CCSER1: variants seen among roughly 807,000 people sequenced by gnomAD.
CCSER1 encodes serine-rich coiled-coil domain-containing protein 1.
Under a neutral mutation model 82.0 loss-of-function variants are expected in CCSER1, and 41 were observed. That is an observed-to-expected ratio of 0.50 (90% confidence interval 0.39 to 0.65). The LOEUF (loss-of-function observed/expected upper bound fraction) is 0.65. Among genes scored for constraint, CCSER1 ranks in the 30% least tolerant of loss-of-function variants. The probability of loss-of-function intolerance (pLI) is 0.00; values close to 1 mark genes in which losing one functional copy is unlikely to be tolerated. For missense variants in CCSER1, 1,119 were observed against 1,064.2 expected (o/e 1.05, Z -0.72); for synonymous variants, 414 against 383.9 (o/e 1.08, Z -0.92).
At chr4:90,735,616 T>A (rs1042095126) in intron 7 of CCSER1, among the ~76,000 whole-genome samples, 2 of 152,140 alleles carry the variant, frequency 1.3e-5, no homozygotes, top group South Asian at 4.1e-4. Context: ...ACATAGTTGC[T>A]CATGGTAACT....
At chr4:90,452,256 G>A (rs561747594) in intron 4 of CCSER1, among the ~76,000 whole-genome samples, 8 of 152,182 alleles carry the variant, frequency 5.3e-5, no homozygotes, top group South Asian at 2.1e-4. Context: ...CTATCTGTTC[G>A]CAGTCCTGTT....
At chr4:90,692,547 G>A (rs1370108474) in intron 6 of CCSER1, among the ~76,000 whole-genome samples, 1 of 151,910 alleles carries the variant, frequency 6.6e-6, no homozygotes, top group Non-Finnish European at 1.5e-5. Context: ...TTGACCGAAA[G>A]GCAATAATTC....
chr4:90,412,402 A>G (rs1232534167), intron 4 of CCSER1, among the ~76,000 whole-genome samples: 1 of 151,858 alleles, frequency 6.6e-6, no homozygotes, highest in Admixed American at 6.6e-5. Flanking sequence ...CCAACATGGC[A>G]CAGGTATACA....
chr4:90,958,684 A>T (rs1000992787), intron 9 of CCSER1, among the ~76,000 whole-genome samples: 1 of 152,094 alleles, frequency 6.6e-6, no homozygotes, highest in African/African-American at 2.4e-5. Flanking sequence ...CGTGAACAGG[A>T]TTCATGTCCT....
At chr4:90,420,527 G>T (rs150695255) in intron 4 of CCSER1, among the ~76,000 whole-genome samples, 528 of 152,122 alleles carry the variant, frequency 3.5e-3, no homozygotes, top group Middle Eastern at 0.01. Context: ...GTTGCCAACA[G>T]ACTAAATCAT....
At chr4:90,320,782 C>A (rs779990269) in intron 3 of CCSER1, among the ~76,000 whole-genome samples, 1 of 152,040 alleles carries the variant, frequency 6.6e-6, no homozygotes, top group Non-Finnish European at 1.5e-5. Context: ...CATTTAGAAG[C>A]TGTCACAATT....
chr4:90,399,326 T>C (rs1217586549), intron 3 of CCSER1, among the ~76,000 whole-genome samples: 1 of 152,106 alleles, frequency 6.6e-6, no homozygotes, highest in Admixed American at 6.5e-5. Flanking sequence ...TAATCTCAGC[T>C]CTGATATATT....
At chr4:91,004,372 A>G (rs915949702) in intron 9 of CCSER1, among the ~76,000 whole-genome samples, 4 of 152,222 alleles carry the variant, frequency 2.6e-5, no homozygotes, top group African/African-American at 7.2e-5. Flanking sequence ...CAGTTTTAAC[A>G]TGAGATCATT....
intron 10 of CCSER1, among the ~76,000 whole-genome samples, chr4:91,361,584 A>G (rs1167960940): frequency 6.6e-6 from 1 of 151,786 alleles, no homozygotes; most frequent in East Asian, 1.9e-4. Context: ...TGAAGTAGTC[A>G]ATATGTTTCC....
chr4:91,031,796 A>T (rs1306551446), intron 9 of CCSER1, among the ~76,000 whole-genome samples: 1 of 152,168 alleles, frequency 6.6e-6, no homozygotes, highest in Non-Finnish European at 1.5e-5. Context: ...AAATGACTAC[A>T]TTATAACATA....
At chr4:91,266,494 G>A (rs1741599667) in intron 10 of CCSER1, among the ~76,000 whole-genome samples, 1 of 151,912 alleles carries the variant, frequency 6.6e-6, no homozygotes, top group African/African-American at 2.4e-5. Flanking sequence ...GTCGTGATCT[G>A]CCCACCTCGG....
intron 10 of CCSER1, among the ~76,000 whole-genome samples, chr4:91,456,535 C>T (rs1340137474): frequency 2.6e-5 from 4 of 151,862 alleles, no homozygotes; most frequent in Non-Finnish European, 5.9e-5. Context: ...AACTTGAAAG[C>T]CATATTTGCC....
In CCSER1 at chr4:91,384,861, G is replaced by C. The variant is rs562776017; in HGVS notation, c.2218-213711G>C. Among the ~76,000 whole-genome samples the C allele has an allele frequency of 5.9e-5, 9 of 152,118 alleles. No homozygotes were observed. The East Asian group carries it at 1.7e-3, about 29-fold the overall frequency. Reference sequence around the variant, plus strand: ...GCTGAAAAGAGATTCAACTTTAAATGATGAGAAAAACGGAAAAGCAAAACT... The same window carrying C: ...GCTGAAAAGAGATTCAACTTTAAATCATGAGAAAAACGGAAAAGCAAAACT... On this transcript the variant is annotated intron_variant, in intron 10 of 10. Coordinates refer to ENST00000509176, the MANE Select transcript of CCSER1 (RefSeq NM_001145065.2).
chr4:90,414,672 C>T (rs919513322), intron 4 of CCSER1, among the ~76,000 whole-genome samples: 1 of 151,928 alleles, frequency 6.6e-6, no homozygotes, highest in Non-Finnish European at 1.5e-5. Context: ...CAGCGAGGTT[C>T]GTTAGATAAA....
chr4:91,474,787 G>GTATATATATA (rs764572024), intron 10 of CCSER1, among the ~76,000 whole-genome samples: 12 of 135,164 alleles, frequency 8.9e-5, no homozygotes, highest in African/African-American at 1.4e-4. Context: ...ATATATTTGT[G>GTATATATATA]TATATATATA....
chr4:90,543,323 T>C (rs1353362253), intron 5 of CCSER1, among the ~76,000 whole-genome samples: 1 of 152,106 alleles, frequency 6.6e-6, no homozygotes, highest in Non-Finnish European at 1.5e-5. Context: ...CCAGGTGCAA[T>C]TTGAGAATGA....
chr4:90,809,782 C>T (rs1368323158), intron 7 of CCSER1, among the ~76,000 whole-genome samples: 3 of 151,858 alleles, frequency 2.0e-5, no homozygotes. Context: ...GTCCTAGCTA[C>T]TTGGGAGGCC....
At chr4:91,041,793 A>T (rs1741977065) in intron 9 of CCSER1, among the ~76,000 whole-genome samples, 2 of 152,172 alleles carry the variant, frequency 1.3e-5, no homozygotes, top group African/African-American at 2.4e-5. Flanking sequence ...ATGAATTATA[A>T]TGCTGCCAAA....
chr4:90,887,837 G>A (rs905873664), intron 8 of CCSER1, among the ~76,000 whole-genome samples: 16 of 151,992 alleles, frequency 1.1e-4, no homozygotes, highest in Admixed American at 6.6e-5. Flanking sequence ...AGCTGAGATC[G>A]CGCCACTGCA....
Sources: gnomAD v4.1 joint callset for allele counts (sites outside exome capture counted in the v4.1 genomes callset) on GRCh38, gnomAD v4.1.1 for gene constraint, MANE v1.5 for transcripts, NCBI Gene and HGNC (gene_info 2026-07-23, HGNC 2026-07-21) for gene names.